UTRN: variants seen among roughly 807,000 people sequenced by gnomAD.
UTRN encodes utrophin.
Under a neutral mutation model 463.9 loss-of-function variants are expected in UTRN, and 283 were observed. The ratio of observed to expected loss-of-function variants is 0.61; its 90% CI spans 0.55 to 0.67. UTRN has a LOEUF of 0.67. Ranked by LOEUF, UTRN falls within the 30% of genes least tolerant of loss-of-function variation. The pLI is 0.00. For synonymous variants in UTRN, 1,442 were observed against 1,431.5 expected (o/e 1.01, Z -0.17); for missense variants, 3,922 against 4,084.3 (o/e 0.96, Z 1.08).
At chr6:144,491,403 A>C (rs1793064629) in intron 32 of UTRN, among the ~76,000 whole-genome samples, 1 of 152,254 alleles carries the variant, frequency 6.6e-6, no homozygotes, top group African/African-American at 2.4e-5. Context: ...GCTTCAGCAG[A>C]GTGTGACTAA....
intron 50 of UTRN, among the ~76,000 whole-genome samples, chr6:144,566,047 A>G (rs1049382460): frequency 1.3e-5 from 2 of 152,212 alleles, no homozygotes; most frequent in Admixed American, 1.3e-4. Context: ...CTTTGAGAAG[A>G]TAAGAAAGTG....
chr6:144,339,419 G>T (rs1263675165), intron 2 of UTRN, among the ~76,000 whole-genome samples: 6 of 152,084 alleles, frequency 3.9e-5, no homozygotes, highest in African/African-American at 1.4e-4. Context: ...GCAGAAATTT[G>T]AAAAAGACCT....
Position 144,842,504 on chromosome 6 carries a change from G to A in UTRN, c.10270+1672G>A, listed in dbSNP as rs574781070. On this transcript the variant is annotated intron_variant, in intron 73 of 74. Transcript: ENST00000367545. Reference sequence around the variant, plus strand: ...CTTGGGAGGCTGAGGCATGAGAATCGCTTGAACCTGGGAGGCTGAAGTTGC... The same window carrying A: ...CTTGGGAGGCTGAGGCATGAGAATCACTTGAACCTGGGAGGCTGAAGTTGC... Among the ~76,000 whole-genome samples the A allele has an allele frequency of 8.4e-4, 128 of 152,246 alleles. 4 individuals are homozygous for A. In the South Asian group the frequency reaches 0.026, roughly 31 times the overall value.
At chr6:144,636,643 C>T (rs1221067199) in intron 51 of UTRN, among the ~76,000 whole-genome samples, 1 of 152,120 alleles carries the variant, frequency 6.6e-6, no homozygotes, top group East Asian at 1.9e-4. Flanking sequence ...TATTCTTTTC[C>T]TCATATTTCC....
chr6:144,310,575 G>T (rs1026235901), intron 2 of UTRN, among the ~76,000 whole-genome samples: 1 of 148,146 alleles, frequency 6.8e-6, no homozygotes, highest in Non-Finnish European at 1.5e-5. Context: ...GGTAGTGCAT[G>T]CCTGTGGTCC....
At chr6:144,515,093 T>C (rs773302881) in intron 37 of UTRN, among the ~76,000 whole-genome samples, 1 of 152,054 alleles carries the variant, frequency 6.6e-6, no homozygotes, top group Non-Finnish European at 1.5e-5. Context: ...TTAGGAGAGA[T>C]AGGGTTTCAC....
intron 19 of UTRN, among the ~76,000 whole-genome samples, chr6:144,455,124 C>T (rs748953040): frequency 6.6e-6 from 1 of 152,054 alleles, no homozygotes; most frequent in Non-Finnish European, 1.5e-5. Flanking sequence ...TAGATATATA[C>T]ACATACACAC....
intron 65 of UTRN, among the ~76,000 whole-genome samples, chr6:144,820,157 A>T (rs6930565): frequency 3.7e-4 from 49 of 131,812 alleles, no homozygotes; most frequent in African/African-American, 1.4e-3. Flanking sequence ...ATGGGATAGG[A>T]TGATGGGGTG....
chr6:144,581,618 A>C (rs747503822), intron 51 of UTRN, among the ~76,000 whole-genome samples: 2 of 152,164 alleles, frequency 1.3e-5, no homozygotes, highest in African/African-American at 4.8e-5. Context: ...GTGAATGCCT[A>C]TCTCATGGGG....
intron 65 of UTRN, among the ~76,000 whole-genome samples, chr6:144,819,612 G>A (rs570596552): frequency 2.0e-5 from 3 of 152,278 alleles, no homozygotes; most frequent in African/African-American, 7.2e-5. Context: ...AGAATCGGCT[G>A]AACTTGGGAG....
intron 65 of UTRN, among the ~76,000 whole-genome samples, chr6:144,812,452 A>G (rs1220177769): frequency 1.3e-5 from 2 of 152,320 alleles, no homozygotes; most frequent in Non-Finnish European, 1.5e-5. Context: ...ACTTTCAGCC[A>G]TGTATTAATG....
chr6:144,435,177 A>G (rs1786416306), intron 9 of UTRN, among the ~76,000 whole-genome samples: 1 of 152,234 alleles, frequency 6.6e-6, no homozygotes, highest in Non-Finnish European at 1.5e-5. Context: ...TATTGTACTT[A>G]AAAATCATGC....
intron 52 of UTRN, among the ~76,000 whole-genome samples, chr6:144,690,276 G>C (rs1056960013): frequency 2.2e-4 from 34 of 151,476 alleles, no homozygotes; most frequent in African/African-American, 7.8e-4. Flanking sequence ...GTGTTCCAAG[G>C]AGGAGCACAG....
chr6:144,476,557 T>C (rs767986191), intron 25 of UTRN, among the ~76,000 whole-genome samples: 1 of 152,128 alleles, frequency 6.6e-6, no homozygotes, highest in Non-Finnish European at 1.5e-5. Flanking sequence ...GAGAAGCTTC[T>C]GTGGGTGTAG....
chr6:144,622,181 G>GTTTTTTTTTTTTTTTT (rs1290959363), intron 51 of UTRN, among the ~76,000 whole-genome samples: 1 of 73,724 alleles, frequency 1.4e-5, no homozygotes, highest in Non-Finnish European at 2.8e-5. Flanking sequence ...ATTTTTTTTT[G>GTTTTTTTTTTTTTTTT]TTGTTTTTTT....
Position 144,437,640 on chromosome 6 carries a change from C to A in UTRN, c.1135C>A (p.Gln379Lys), listed in dbSNP as rs772757079. The A allele has an allele frequency of 6.2e-7, 1 of 1,614,090 alleles. No individual in the cohort carries two copies. Among genetic ancestry groups the A allele is most frequent in the South Asian group, 1.1e-5 (1 of 91,080 alleles). The change falls in exon 11 of 75, where the codon CAA becomes AAA. Residue 379 changes from glutamine to lysine, a missense_variant. Transcript: ENST00000367545. ...VLQAGNQLIT[Q>K]GTLSDEEEFE... Reference sequence around the variant, plus strand: ...GCAGGCAGGCAACCAACTGATAACACAAGGAACTCTGTCAGACGAAGAAGA... The same window carrying A: ...GCAGGCAGGCAACCAACTGATAACAAAAGGAACTCTGTCAGACGAAGAAGA...
At chr6:144,656,408 T>C (rs1779311640) in intron 51 of UTRN, among the ~76,000 whole-genome samples, 1 of 152,240 alleles carries the variant, frequency 6.6e-6, no homozygotes, top group Non-Finnish European at 1.5e-5. Context: ...GACTTTAAAC[T>C]AAGAAAGTAC....
intron 6 of UTRN, among the ~76,000 whole-genome samples, chr6:144,426,016 A>G (rs1785262323): frequency 6.6e-6 from 1 of 152,194 alleles, no homozygotes; most frequent in Non-Finnish European, 1.5e-5. Context: ...ATTGTAACCA[A>G]ACATAGTACA....
chr6:144,650,551 T>C (rs1347910501), intron 51 of UTRN, among the ~76,000 whole-genome samples: 1 of 152,226 alleles, frequency 6.6e-6, no homozygotes, highest in East Asian at 1.9e-4. Context: ...CAATAGAGCA[T>C]TGCTATTTTA....
Sources: gnomAD v4.1 joint callset for allele counts (sites outside exome capture counted in the v4.1 genomes callset) on GRCh38, gnomAD v4.1.1 for gene constraint, MANE v1.5 for transcripts, NCBI Gene and HGNC (gene_info 2026-07-23, HGNC 2026-07-21) for gene names.